Variants in PGM1 observed in about 807,000 individuals in gnomAD.
PGM1 encodes the protein phosphoglucomutase-1.
In PGM1, 52 loss-of-function variants were observed where a neutral mutation model predicts 55.6. That is an observed-to-expected ratio of 0.94 (90% confidence interval 0.75 to 1.18). The LOEUF (loss-of-function observed/expected upper bound fraction) is 1.18, where lower values mean the gene tolerates loss of function less well. Ranked by LOEUF, PGM1 falls within the 50% of genes most tolerant of loss-of-function variation. PGM1 has a pLI of 0.00. For synonymous variants in PGM1, 287 were observed against 271.7 expected (o/e 1.06, Z -0.55); for missense variants, 724 against 729.3 (o/e 0.99, Z 0.08).
intron 1 of PGM1, among the ~76,000 whole-genome samples, chr1:63,594,453 G>A (rs1370642496): frequency 6.6e-6 from 1 of 152,040 alleles, no homozygotes; most frequent in Admixed American, 6.5e-5. Flanking sequence ...CACCGACGGG[G>A]CTGGAGCTGA....
intron 1 of PGM1, among the ~76,000 whole-genome samples, chr1:63,599,093 G>A (rs1301260733): frequency 1.3e-5 from 2 of 152,194 alleles, no homozygotes; most frequent in African/African-American, 2.4e-5. Flanking sequence ...GGAGTTAGGT[G>A]GAGACACCTT....
intron 6 of PGM1, 85 bp from the exon 7 acceptor site, chr1:63,638,600 A>T: frequency 1.2e-6 from 1 of 865,666 alleles, no homozygotes; most frequent in Non-Finnish European, 2.0e-6. Flanking sequence ...ACCCTTGATT[A>T]CAATAACGAT....
Position 63,638,725 on chromosome 1 carries a change from A to G in PGM1, c.1069A>G (p.Thr357Ala), listed in dbSNP as rs749355110. 4 of 1,613,982 alleles carry G rather than the reference A, an allele frequency of 2.5e-6. No homozygotes were observed. The highest frequency in any genetic ancestry group is 1.7e-5 in the Admixed American group (1 of 59,992). ...ATKIALYETP[T>A]GWKFFGNLMD... Reference sequence around the variant, plus strand: ...AAAGATTGCTTTGTATGAGACCCCAACTGGCTGGAAGTTTTTTGGGAATTT... The same window carrying G: ...AAAGATTGCTTTGTATGAGACCCCAGCTGGCTGGAAGTTTTTTGGGAATTT... The change falls in exon 7 of 11, where the codon ACT (threonine) becomes GCT (alanine). Residue 357 changes from threonine (T) to alanine (A), a missense_variant. Thr to Ala is a moderately conservative substitution (Grantham distance 58, BLOSUM62 0). Transcript: ENST00000371084.
chr1:63,604,450 C>T (rs1016837077), intron 1 of PGM1, among the ~76,000 whole-genome samples: 6 of 151,968 alleles, frequency 3.9e-5, no homozygotes, highest in East Asian at 3.9e-4. Context: ...CTAGTGGGCA[C>T]AGGGGAGAGA....
chr1:63,651,739 G>C lies in PGM1; in HGVS notation c.1351G>C (p.Asp451His). Residue 451 changes from aspartate (D) to histidine (H), a missense_variant, in exon 9 of 11, where the codon GAT becomes CAT. Around this residue, in one of 3 missense-constraint regions of PGM1, gnomAD observed 316 missense variants for 313.1 expected, o/e 1.01. Transcript: ENST00000371084. ...MMKDLEALMF[D>H]RSFVGKQFSA... is the part of the protein sequence containing the mutation. ...GAAGGACTTGGAGGCCCTGATGTTT[G>C]ATCGCTCCTTTGTGGGGAAGCAGTT... is the stretch of plus-strand genomic sequence containing the variant. The C allele has an allele frequency of 6.2e-7, 1 of 1,613,858 alleles. No homozygotes were observed. The highest frequency in any genetic ancestry group is 2.2e-5 in the East Asian group (1 of 44,842).
chr1:63,641,464 A>G (rs1019704758), intron 7 of PGM1, among the ~76,000 whole-genome samples: 3 of 152,234 alleles, frequency 2.0e-5, no homozygotes, highest in Admixed American at 6.5e-5. Context: ...GCCCCTTGCT[A>G]GTGAATGTTT....
intron 1 of PGM1, among the ~76,000 whole-genome samples, chr1:63,604,917 C>CG (rs1451319454): frequency 0.025 from 2,992 of 118,798 alleles, 28 homozygotes; most frequent in South Asian, 0.027. Context: ...TTACATAACT[C>CG]TGTGTGTGTG....
intron 1 of PGM1, among the ~76,000 whole-genome samples, chr1:63,594,960 CAAAAA>C (rs56084088): frequency 2.1e-5 from 2 of 93,120 alleles, no homozygotes; most frequent in African/African-American, 4.2e-5. Context: ...GACTCCGTCT[CAAAAA>C]AAAAAAAAAA....
chr1:63,605,133 A>G (rs541862755), intron 1 of PGM1, among the ~76,000 whole-genome samples: 31 of 152,260 alleles, frequency 2.0e-4, no homozygotes, highest in South Asian at 1.4e-3. Flanking sequence ...CCACCTGCTC[A>G]TGTAAATATA....
chr1:63,617,730 C>CAA (rs34771728), intron 1 of PGM1, among the ~76,000 whole-genome samples: 562 of 43,268 alleles, frequency 0.013, 35 homozygotes, highest in Non-Finnish European at 0.019. Flanking sequence ...TGCCTCCCCA[C>CAA]AAAAAAAAAA....
At chr1:63,633,920 ATATATATATATATTTTTTTTTTTTT>A (rs1182843189) in intron 4 of PGM1, among the ~76,000 whole-genome samples, 1,901 of 40,302 alleles carry the variant, frequency 0.047, 118 homozygotes, top group African/African-American at 0.24. Flanking sequence ...GTGTGTGTGT[ATATATATATATATTTTTTTTTTTTT>A]TTTTTTTTTT....
chr1:63,612,552 C>T (rs575826006), intron 1 of PGM1, among the ~76,000 whole-genome samples: 10 of 152,276 alleles, frequency 6.6e-5, no homozygotes, highest in East Asian at 1.9e-4. Context: ...CTCTTTTTCT[C>T]GCTTGCATTC....
intron 1 of PGM1, among the ~76,000 whole-genome samples, chr1:63,621,868 T>C (rs1490119592): frequency 6.6e-6 from 1 of 152,136 alleles, no homozygotes; most frequent in Non-Finnish European, 1.5e-5. Context: ...GAGCCTGTTA[T>C]TCCTGCTGGT....
chr1:63,642,708 G>A (rs1649548956), intron 7 of PGM1, among the ~76,000 whole-genome samples: 1 of 152,176 alleles, frequency 6.6e-6, no homozygotes, highest in African/African-American at 2.4e-5. Flanking sequence ...GTCAGGTCTA[G>A]AGGCTAGCAA....
intron 1 of PGM1, 33 bp downstream of exon 1, chr1:63,593,767 C>A (rs1275212100): frequency 1.3e-6 from 2 of 1,558,520 alleles, no homozygotes; most frequent in South Asian, 1.2e-5. Flanking sequence ...CCGCTGTGCA[C>A]CCTGGCGCGT....
chr1:63,654,170 G>A (rs939214759), intron 9 of PGM1, among the ~76,000 whole-genome samples, 162 bp from the exon 10 acceptor site: 1 of 152,148 alleles, frequency 6.6e-6, no homozygotes, highest in Non-Finnish European at 1.5e-5. Context: ...AGAGGGTGAC[G>A]GAAGGCAGGC....
intron 1 of PGM1, among the ~76,000 whole-genome samples, chr1:63,595,994 A>G (rs773037572): frequency 6.6e-6 from 1 of 152,016 alleles, no homozygotes; most frequent in Admixed American, 6.5e-5. Context: ...TGCCCCCTCC[A>G]CTACTCCAGT....
chr1:63,658,330 TC>T (rs1165097367), intron 10 of PGM1, among the ~76,000 whole-genome samples: 2 of 148,496 alleles, frequency 1.3e-5, no homozygotes, highest in African/African-American at 2.5e-5. Flanking sequence ...AATGGGCAGT[TC>T]AACCAGATTA....
intron 1 of PGM1, among the ~76,000 whole-genome samples, chr1:63,622,364 A>C (rs144810073): frequency 1.5e-3 from 230 of 152,324 alleles, no homozygotes; most frequent in African/African-American, 5.3e-3. Flanking sequence ...TCATTAATAA[A>C]ATCTCAGGGA....
Sources: allele counts gnomAD v4.1 joint callset (sites outside exome capture counted in the v4.1 genomes callset), GRCh38; gene constraint gnomAD v4.1.1; regional missense constraint gnomAD v4.1.1; transcripts MANE v1.5; gene names NCBI Gene and HGNC (gene_info 2026-07-23, HGNC 2026-07-21).